The following XKR9 variants were observed in gnomAD, a reference collection of about 807,000 sequenced individuals.
XKR9 encodes the protein XK-related protein 9.
Under a neutral mutation model 32.0 loss-of-function variants are expected in XKR9, and 32 were observed. The observed-to-expected ratio is 1.00, with a 90% CI of 0.76 to 1.34. XKR9 has a LOEUF of 1.34. Ranked by LOEUF, XKR9 falls within the 40% of genes most tolerant of loss-of-function variation. The probability of loss-of-function intolerance (pLI) is 0.00; values close to 1 mark genes in which losing one functional copy is unlikely to be tolerated. For synonymous variants in XKR9, 168 were observed against 143.4 expected (o/e 1.17, Z -1.22); for missense variants, 546 against 429.7 (o/e 1.27, Z -2.39).
At chr8:71,056,986 T>G in the XKR9 span, among the ~76,000 whole-genome samples, 1 of 152,160 alleles carries the variant, frequency 6.6e-6, no homozygotes, top group African/African-American at 2.4e-5. Context: ...TTATGCCACT[T>G]CCTGAGTAGA....
chr8:70,745,702 G>A (rs1272731579), intron 2 of XKR9, among the ~76,000 whole-genome samples: 1 of 152,164 alleles, frequency 6.6e-6, no homozygotes, highest in Non-Finnish European at 1.5e-5. Flanking sequence ...GCCACTAGAG[G>A]GCAATGGAAC....
At chr8:70,888,521 T>C in the XKR9 span, among the ~76,000 whole-genome samples, 3 of 152,014 alleles carry the variant, frequency 2.0e-5, no homozygotes, top group Non-Finnish European at 4.4e-5. Flanking sequence ...ATTTATAAAA[T>C]CTTTACACAG....
the XKR9 span, among the ~76,000 whole-genome samples, chr8:70,896,517 A>T: frequency 6.8e-6 from 1 of 147,752 alleles, no homozygotes; most frequent in African/African-American, 2.5e-5. Context: ...GTATATGGGG[A>T]CTCATTCTTG....
At chr8:70,861,003 ATAT>A in the XKR9 span, among the ~76,000 whole-genome samples, 1 of 152,130 alleles carries the variant, frequency 6.6e-6, no homozygotes, top group East Asian at 1.9e-4. Context: ...TTTGGCCTTT[ATAT>A]TGTCTGTCTT....
the XKR9 span, among the ~76,000 whole-genome samples, chr8:70,919,678 A>G: frequency 6.6e-6 from 1 of 152,012 alleles, no homozygotes; most frequent in Admixed American, 6.5e-5. Flanking sequence ...CAGAGTATGC[A>G]TTTACATTTA....
the XKR9 span, among the ~76,000 whole-genome samples, chr8:70,930,323 G>T: frequency 6.6e-6 from 1 of 152,106 alleles, no homozygotes; most frequent in Non-Finnish European, 1.5e-5. Context: ...GTAGGAAGGA[G>T]AACCTTGTGA....
At chr8:70,957,351 C>T in the XKR9 span, among the ~76,000 whole-genome samples, 13 of 152,242 alleles carry the variant, frequency 8.5e-5, no homozygotes, top group East Asian at 2.3e-3. Flanking sequence ...GCATGAACTT[C>T]AGAGGCAGTT....
intron 4 of XKR9, among the ~76,000 whole-genome samples, chr8:70,729,943 A>G (rs572504213): frequency 6.6e-6 from 1 of 152,364 alleles, no homozygotes; most frequent in East Asian, 1.9e-4. Flanking sequence ...AAAGTGACAT[A>G]CTTTATAATT....
At chr8:70,849,450 G>T in the XKR9 span, among the ~76,000 whole-genome samples, 1 of 152,128 alleles carries the variant, frequency 6.6e-6, no homozygotes, top group Admixed American at 6.6e-5. Flanking sequence ...AGAATCTGTG[G>T]GACACAGCTA....
At chr8:70,889,671 A>G in the XKR9 span, among the ~76,000 whole-genome samples, 1 of 151,816 alleles carries the variant, frequency 6.6e-6, no homozygotes, top group Non-Finnish European at 1.5e-5. Context: ...TATATGTAAT[A>G]TTTGATTTTT....
At chr8:70,716,698 C>A (rs1432715898) in intron 4 of XKR9, among the ~76,000 whole-genome samples, 5 of 152,064 alleles carry the variant, frequency 3.3e-5, no homozygotes. Flanking sequence ...AAAGCCAAAC[C>A]ATATCATTCC....
At chr8:70,797,664 G>A in the XKR9 span, among the ~76,000 whole-genome samples, 13 of 151,936 alleles carry the variant, frequency 8.6e-5, 1 homozygote, top group African/African-American at 2.9e-4. Context: ...TATTTCATTG[G>A]CATAGTACCC....
chr8:70,718,473 C>A (rs1806165211), intron 4 of XKR9, among the ~76,000 whole-genome samples: 1 of 151,990 alleles, frequency 6.6e-6, no homozygotes, highest in South Asian at 2.1e-4. Context: ...TGTCCCCTTG[C>A]CCCTGATGCC....
intron 2 of XKR9, among the ~76,000 whole-genome samples, chr8:70,766,669 T>G (rs1807380630): frequency 6.6e-6 from 1 of 152,212 alleles, no homozygotes; most frequent in African/African-American, 2.4e-5. Context: ...ATCCTTGTCT[T>G]GTGCCAGCAT....
chr8:70,690,699 G>T (rs924863134), intron 3 of XKR9, among the ~76,000 whole-genome samples: 1 of 152,046 alleles, frequency 6.6e-6, no homozygotes, highest in African/African-American at 2.4e-5. Context: ...CTATTCCTAC[G>T]TTAGTTTGCT....
the XKR9 span, among the ~76,000 whole-genome samples, chr8:70,901,746 T>C: frequency 1.3e-5 from 2 of 152,146 alleles, no homozygotes; most frequent in African/African-American, 2.4e-5. Context: ...ATGCCTGTGT[T>C]CTGAATGGTA....
At chr8:70,971,390 G>C in the XKR9 span, among the ~76,000 whole-genome samples, 1 of 151,886 alleles carries the variant, frequency 6.6e-6, no homozygotes, top group Admixed American at 6.6e-5. Context: ...AGATTGTGAA[G>C]ATTTCCTCCC....
At chr8:70,723,560 C>G (rs1045150223) in intron 4 of XKR9, among the ~76,000 whole-genome samples, 1 of 152,146 alleles carries the variant, frequency 6.6e-6, no homozygotes, top group Admixed American at 6.6e-5. Context: ...TTTCTTTTAA[C>G]AGTCAGGCCC....
At chr8:70,943,472 T>A in the XKR9 span, among the ~76,000 whole-genome samples, 2 of 152,140 alleles carry the variant, frequency 1.3e-5, no homozygotes, top group Admixed American at 1.3e-4. Flanking sequence ...GGGACAAATA[T>A]TTTTTGAAGG....
Sources: allele counts gnomAD v4.1 joint callset (sites outside exome capture counted in the v4.1 genomes callset), GRCh38; gene constraint gnomAD v4.1.1; transcripts MANE v1.5; gene names NCBI Gene and HGNC (gene_info 2026-07-23, HGNC 2026-07-21).